The following HIVEP3 variants were observed in gnomAD, a reference collection of about 807,000 sequenced individuals.
The protein encoded by HIVEP3 is HIVEP zinc finger 3, also known as transcription factor HIVEP3.
Under a neutral mutation model 152.8 loss-of-function variants are expected in HIVEP3, and 49 were observed. The ratio of observed to expected loss-of-function variants is 0.32; its 90% CI spans 0.26 to 0.41. HIVEP3 has a LOEUF of 0.41. HIVEP3 is among the 10% of genes least tolerant of loss of function. The probability of loss-of-function intolerance (pLI) is 1.00; values close to 1 mark genes in which losing one functional copy is unlikely to be tolerated. For synonymous variants in HIVEP3, 1,269 were observed against 1,289.0 expected (o/e 0.98, Z 0.33); for missense variants, 2,790 against 3,103.3 (o/e 0.90, Z 2.40).
intron 1 of HIVEP3, among the ~76,000 whole-genome samples, chr1:41,738,621 G>C (rs567824644): frequency 6.6e-6 from 1 of 152,128 alleles, no homozygotes; most frequent in Non-Finnish European, 1.5e-5. Flanking sequence ...CAGCTCACAG[G>C]ACCTGGACTC....
At chr1:41,578,876 C>A (rs1644360711) in intron 4 of HIVEP3, among the ~76,000 whole-genome samples, 2 of 152,212 alleles carry the variant, frequency 1.3e-5, no homozygotes, top group African/African-American at 2.4e-5. Flanking sequence ...CAGTGTCTGG[C>A]ACCATGAGGC....
chr1:41,933,093 A>G (rs887772834), intron 1 of HIVEP3, among the ~76,000 whole-genome samples: 5 of 152,092 alleles, frequency 3.3e-5, no homozygotes, highest in Non-Finnish European at 5.9e-5. Context: ...GGCCCAGAAC[A>G]TAGTATCATT....
chr1:42,012,337 A>G (rs578248061), intron 1 of HIVEP3, among the ~76,000 whole-genome samples: 2 of 152,264 alleles, frequency 1.3e-5, no homozygotes, highest in South Asian at 2.1e-4. Context: ...CTAACCTCCA[A>G]TGTGATGTTA....
Position 41,662,996 on chromosome 1 carries a change from G to GT in HIVEP3, c.-720-34050dup. ...GGGCCTCCCTGGGCTCAGGCCTGGG[G>GT]TGGGGGCGGGGGACACCCCGGGGCT... On this transcript the variant is annotated intron_variant, in intron 2 of 8. Coordinates refer to ENST00000372583, the MANE Select transcript of HIVEP3 (RefSeq NM_024503.5). This position sits in a 1 kb window ranked among gnomAD's most constrained non-coding sequence, Gnocchi z 7.2. 6.6e-6 allele frequency among the ~76,000 whole-genome samples: 1 copy of GT among 152,144 alleles called. No homozygotes were observed. Among genetic ancestry groups the GT allele is most frequent in the Non-Finnish European group, 1.5e-5 (1 of 67,984 alleles).
intron 1 of HIVEP3, among the ~76,000 whole-genome samples, chr1:41,732,251 T>C (rs1450898181): frequency 6.6e-6 from 1 of 152,204 alleles, no homozygotes; most frequent in Non-Finnish European, 1.5e-5. Context: ...TCATCTTGAC[T>C]GCTGTATCCC....
intron 5 of HIVEP3, among the ~76,000 whole-genome samples, chr1:41,544,606 CCAT>C (rs1254067650): frequency 1.3e-5 from 2 of 150,312 alleles, no homozygotes; most frequent in African/African-American, 5.0e-5. Context: ...ATCACCACCA[CCAT>C]CACCGCCACC....
chr1:41,839,066 A>G (rs546366568), intron 1 of HIVEP3, among the ~76,000 whole-genome samples: 9 of 152,230 alleles, frequency 5.9e-5, no homozygotes, highest in African/African-American at 2.2e-4. Flanking sequence ...AATATTCATC[A>G]ATTTGCTGTG....
chr1:41,845,513 GA>G (rs1643419440), intron 1 of HIVEP3, among the ~76,000 whole-genome samples: 1 of 151,008 alleles, frequency 6.6e-6, no homozygotes. Flanking sequence ...CTGCCACTAG[GA>G]ACAACAGGGA....
intron 2 of HIVEP3, among the ~76,000 whole-genome samples, chr1:41,672,194 G>A (rs935470502): frequency 2.3e-4 from 35 of 152,154 alleles, no homozygotes; most frequent in Non-Finnish European, 4.4e-5. Flanking sequence ...GGTCCTTTGG[G>A]GCCCTCCCCA....
chr1:41,949,113 A>C (rs1645091090), intron 1 of HIVEP3, among the ~76,000 whole-genome samples: 1 of 152,298 alleles, frequency 6.6e-6, no homozygotes, highest in Admixed American at 6.5e-5. Context: ...CCACAGGAAT[A>C]TTTTTTGTCT....
At chr1:41,888,037 C>A (rs1570742183) in intron 1 of HIVEP3, among the ~76,000 whole-genome samples, 2 of 121,302 alleles carry the variant, frequency 1.6e-5, no homozygotes, top group Non-Finnish European at 1.8e-5. Context: ...CCCAGCTGAA[C>A]TTTTTTTTTT....
chr1:41,999,070 A>G (rs575120578), intron 1 of HIVEP3, among the ~76,000 whole-genome samples: 1 of 151,340 alleles, frequency 6.6e-6, no homozygotes, highest in African/African-American at 2.4e-5. Flanking sequence ...TAATTTTTGT[A>G]TTTTTAGTAG....
intron 5 of HIVEP3, among the ~76,000 whole-genome samples, chr1:41,550,275 G>A (rs970908412): frequency 5.3e-5 from 8 of 152,128 alleles, no homozygotes; most frequent in African/African-American, 9.7e-5. Flanking sequence ...TTTGGTTACC[G>A]TAGCCTTGTA....
At position 41,571,339 on chromosome 1, in the gene HIVEP3, T is replaced by C. The variant is rs114933876; in HGVS notation, c.5207+4205A>G. Among the ~76,000 whole-genome samples the C allele has an allele frequency of 7.8e-4, 119 of 152,338 alleles. 1 individual carries two copies. The highest frequency in any genetic ancestry group is 2.4e-3 in the African/African-American group (100 of 41,580). ...TTACTCTCAAGGAACAACATAACTT[T>C]GTGTGTGTGAAAACAACACTGCTTA... On this transcript the variant is annotated intron_variant, in intron 5 of 8. Transcript: ENST00000372583.
At chr1:41,843,119 A>T (rs1189983072) in intron 1 of HIVEP3, among the ~76,000 whole-genome samples, 1 of 152,190 alleles carries the variant, frequency 6.6e-6, no homozygotes, top group African/African-American at 2.4e-5. Context: ...CTAAGACCTG[A>T]GGAAACGCTA....
At chr1:41,835,902 G>T (rs1485553327) in intron 1 of HIVEP3, among the ~76,000 whole-genome samples, 1 of 152,200 alleles carries the variant, frequency 6.6e-6, no homozygotes, top group Non-Finnish European at 1.5e-5. Flanking sequence ...GCAAATAAAA[G>T]ATTATTTTTT....
chr1:41,956,174 C>T (rs986481170), intron 1 of HIVEP3, among the ~76,000 whole-genome samples: 8 of 152,172 alleles, frequency 5.3e-5, no homozygotes, highest in African/African-American at 1.4e-4. Flanking sequence ...GAAAAAGCAA[C>T]GACAGCATCA....
At chr1:41,833,494 G>C (rs540131298) in intron 1 of HIVEP3, among the ~76,000 whole-genome samples, 1 of 152,168 alleles carries the variant, frequency 6.6e-6, no homozygotes, top group Non-Finnish European at 1.5e-5. Flanking sequence ...GCTCAGAAAG[G>C]CTAAGGAATT....
intron 1 of HIVEP3, among the ~76,000 whole-genome samples, chr1:41,715,657 G>C (rs879469408): frequency 6.6e-6 from 1 of 152,214 alleles, no homozygotes; most frequent in Non-Finnish European, 1.5e-5. Context: ...TCAGACTGGG[G>C]TCCCCAGGCC....
Sources: allele counts gnomAD v4.1 joint callset (sites outside exome capture counted in the v4.1 genomes callset), GRCh38; gene constraint gnomAD v4.1.1; non-coding constraint Gnocchi (gnomAD v3.1); transcripts MANE v1.5; gene names NCBI Gene and HGNC (gene_info 2026-07-23, HGNC 2026-07-21).